DNAJC3: variants seen among roughly 807,000 people sequenced by gnomAD.
The protein encoded by DNAJC3 is DnaJ heat shock protein family (Hsp40) member C3, also known as dnaJ homolog subfamily C member 3.
DNAJC3 carries 38 observed loss-of-function variants against 68.6 expected under a neutral mutation model. The observed-to-expected ratio is 0.55, with a 90% confidence interval of 0.43 to 0.73. The LOEUF (loss-of-function observed/expected upper bound fraction) is 0.73, where lower values mean the gene tolerates loss of function less well. DNAJC3 is among the 30% of genes least tolerant of loss of function. The pLI, the probability that DNAJC3 is intolerant of heterozygous loss-of-function variation, is 0.00. For synonymous variants in DNAJC3, 203 were observed against 204.0 expected (o/e 1.00, Z 0.04); for missense variants, 526 against 591.9 (o/e 0.89, Z 1.16).
intron 2 of DNAJC3, among the ~76,000 whole-genome samples, chr13:95,721,177 G>T (rs1201885072): frequency 6.6e-6 from 1 of 152,042 alleles, no homozygotes; most frequent in East Asian, 1.9e-4. Flanking sequence ...TTGTGTCTTT[G>T]CTTATTTCAC....
At chr13:95,787,726 A>G (rs1305831673) in intron 11 of DNAJC3, among the ~76,000 whole-genome samples, 1 of 151,286 alleles carries the variant, frequency 6.6e-6, no homozygotes, top group Non-Finnish European at 1.5e-5. Flanking sequence ...TGTGTTGCCC[A>G]GGCTGGTCTT....
chr13:95,727,812 C>A (rs1295882097), intron 4 of DNAJC3, among the ~76,000 whole-genome samples: 1 of 152,110 alleles, frequency 6.6e-6, no homozygotes, highest in African/African-American at 2.4e-5. Context: ...GGTTCATGTA[C>A]CTACCACCAT....
intron 9 of DNAJC3, among the ~76,000 whole-genome samples, chr13:95,785,452 CTT>C (rs36052714): frequency 0.13 from 10,372 of 77,226 alleles, 88 homozygotes; most frequent in African/African-American, 0.16. Context: ...CCTTTTAAAC[CTT>C]TTTTTTTTTT....
intron 4 of DNAJC3, among the ~76,000 whole-genome samples, chr13:95,730,548 C>T (rs1275336169): frequency 6.6e-6 from 1 of 152,110 alleles, no homozygotes; most frequent in Non-Finnish European, 1.5e-5. Flanking sequence ...TTCACAGCAC[C>T]ATTTATTGAA....
intron 9 of DNAJC3, among the ~76,000 whole-genome samples, chr13:95,767,282 T>A (rs1453645912): frequency 1.3e-5 from 2 of 152,228 alleles, no homozygotes; most frequent in African/African-American, 4.8e-5. Context: ...ACTGTTTGTC[T>A]TATTGTGCTT....
At chr13:95,753,287 T>C (rs1010472383) in intron 4 of DNAJC3, among the ~76,000 whole-genome samples, 2 of 152,196 alleles carry the variant, frequency 1.3e-5, no homozygotes, top group South Asian at 2.1e-4. Flanking sequence ...CCCTGACTTG[T>C]ATACTATTGT....
At chr13:95,688,933 T>G (rs866159471) in intron 1 of DNAJC3, among the ~76,000 whole-genome samples, 24 of 121,160 alleles carry the variant, frequency 2.0e-4, no homozygotes, top group African/African-American at 3.9e-4. Flanking sequence ...TGTGGGTGTG[T>G]GTGTGTGTGT....
chr13:95,685,907 T>C (rs979658697), intron 1 of DNAJC3, among the ~76,000 whole-genome samples: 1 of 152,192 alleles, frequency 6.6e-6, no homozygotes, highest in Non-Finnish European at 1.5e-5. Flanking sequence ...CATTTTTTCA[T>C]GTTTGTTGGC....
chr13:95,701,320 T>C (rs1246170875), intron 1 of DNAJC3, among the ~76,000 whole-genome samples: 2 of 152,244 alleles, frequency 1.3e-5, no homozygotes, highest in African/African-American at 2.4e-5. Context: ...TGAGAAACTG[T>C]AGACACAAGA....
intron 2 of DNAJC3, among the ~76,000 whole-genome samples, chr13:95,713,204 C>T (rs1881029380): frequency 6.6e-6 from 1 of 152,082 alleles, no homozygotes; most frequent in Non-Finnish European, 1.5e-5. Context: ...AATTGCCCAG[C>T]CCCTGTAATT....
At chr13:95,718,473 C>T (rs1881220724) in intron 2 of DNAJC3, among the ~76,000 whole-genome samples, 1 of 152,230 alleles carries the variant, frequency 6.6e-6, no homozygotes, top group Non-Finnish European at 1.5e-5. Flanking sequence ...ATGATCTCAG[C>T]TCGCTGCAAC....
chr13:95,763,408 T>G (rs1882880985), intron 7 of DNAJC3, among the ~76,000 whole-genome samples: 1 of 152,252 alleles, frequency 6.6e-6, no homozygotes, highest in South Asian at 2.1e-4. Context: ...CTCACAGGTA[T>G]GCTTTGTTCT....
chr13:95,696,507 G>C (rs1415691204), intron 1 of DNAJC3, among the ~76,000 whole-genome samples: 2 of 152,118 alleles, frequency 1.3e-5, no homozygotes, highest in African/African-American at 4.8e-5. Context: ...CATGCATTTG[G>C]TATTTTTAAC....
rs1246356978 is a variant in DNAJC3 at position 95,719,735 on chromosome 13, T to TA, written c.194-3503dup. ...GGGGTTCCAATTCCATTTCCTGTCTTAAAATGCCTAAAAACTGAACAGTAG... is the reference window on the plus strand; with the variant it reads ...GGGGTTCCAATTCCATTTCCTGTCTTAAAAATGCCTAAAAACTGAACAGTAG... On this transcript the variant is annotated intron_variant, in intron 2 of 11. Transcript: ENST00000602402. Among the ~76,000 whole-genome samples, 3 of 152,214 alleles carry TA rather than the reference T, an allele frequency of 2.0e-5. No individual in the cohort carries two copies. The East Asian group carries it at 5.8e-4, about 29-fold the overall frequency.
intron 3 of DNAJC3, 80 bp downstream of exon 3, chr13:95,723,446 G>A (rs1343166734): frequency 6.7e-7 from 1 of 1,484,548 alleles, no homozygotes; most frequent in East Asian, 2.3e-5. Context: ...GGTGAGGACT[G>A]GCATGCTAGA....
chr13:95,709,500 T>C (rs1019343056), intron 2 of DNAJC3, among the ~76,000 whole-genome samples, 163 bp downstream of exon 2: 1 of 152,162 alleles, frequency 6.6e-6, no homozygotes, highest in African/African-American at 2.4e-5. Context: ...AAAATAAATA[T>C]ATAACACTTA....
intron 1 of DNAJC3, among the ~76,000 whole-genome samples, chr13:95,682,629 C>CTAT (rs1252913041): frequency 6.6e-6 from 1 of 152,106 alleles, no homozygotes; most frequent in Non-Finnish European, 1.5e-5. Flanking sequence ...AAGGAGAAAC[C>CTAT]TATTGTCTAA....
rs1883902502 is a variant in DNAJC3, at chr13:95,794,542, C to A, written c.*3512C>A. 1 of 152,218 alleles carries A rather than the reference C, an allele frequency of 6.6e-6. No homozygotes were observed. Among genetic ancestry groups the A allele is most frequent in the African/African-American group, 2.4e-5 (1 of 41,460 alleles). 9.4% of individuals were successfully genotyped at this position (152,218 alleles called of 1,614,324 possible). Reference sequence around the variant, plus strand: ...CGAATATCCTTTTTCTAAATCAGATCATTCCTTTTTTGTTAGTGGCAGTTT... The same window carrying A: ...CGAATATCCTTTTTCTAAATCAGATAATTCCTTTTTTGTTAGTGGCAGTTT... On this transcript the variant is annotated 3_prime_UTR_variant, in exon 12 of 12. Coordinates refer to ENST00000602402, the MANE Select transcript of DNAJC3 (RefSeq NM_006260.5).
intron 1 of DNAJC3, among the ~76,000 whole-genome samples, chr13:95,679,293 G>A (rs1185778872): frequency 7.0e-6 from 1 of 142,766 alleles, no homozygotes; most frequent in Non-Finnish European, 1.5e-5. Flanking sequence ...CATCAGAATC[G>A]CACATGGAGG....
Sources: gnomAD v4.1 joint callset for allele counts (sites outside exome capture counted in the v4.1 genomes callset) on GRCh38, gnomAD v4.1.1 for gene constraint, MANE v1.5 for transcripts, NCBI Gene and HGNC (gene_info 2026-07-23, HGNC 2026-07-21) for gene names.